MTUS1: variants seen among roughly 807,000 people sequenced by gnomAD.
The protein encoded by MTUS1 is microtubule associated scaffold protein 1.
MTUS1 carries 109 observed loss-of-function variants against 120.8 expected under a neutral mutation model. That is an observed-to-expected ratio of 0.90 (90% CI 0.77 to 1.06). MTUS1 has a LOEUF of 1.06. Among genes scored for constraint, MTUS1 ranks in the 50% least tolerant of loss-of-function variants. MTUS1 has a pLI of 0.00. For missense variants in MTUS1, 2,210 were observed against 1,486.3 expected (o/e 1.49, Z -8.01); for synonymous variants, 737 against 550.5 (o/e 1.34, Z -4.74).
At chr8:17,695,676 C>G in intron 6 of MTUS1, among the ~76,000 whole-genome samples, 1 of 151,802 alleles carries the variant, frequency 6.6e-6, no homozygotes, top group East Asian at 1.9e-4. Flanking sequence ...ATGACTTACC[C>G]AATAATGGAA....
At chr8:17,783,825 C>G (rs575069220) in intron 1 of MTUS1, among the ~76,000 whole-genome samples, 2 of 152,314 alleles carry the variant, frequency 1.3e-5, no homozygotes, top group South Asian at 2.1e-4. Flanking sequence ...TAACGGCAAT[C>G]TGAGGCTCTG....
chr8:17,665,789 G>A (rs1352821129), intron 8 of MTUS1, among the ~76,000 whole-genome samples: 1 of 152,180 alleles, frequency 6.6e-6, no homozygotes, highest in East Asian at 1.9e-4. Flanking sequence ...CAGGGTAGTA[G>A]GGCTTAATTC....
Position 17,645,947 on chromosome 8 carries a change from G to T in MTUS1, c.3792C>A (p.Ser1264Arg), listed in dbSNP as rs774703818. 6.2e-7 allele frequency: 1 copy of T among 1,612,044 alleles called. No homozygotes were observed. The highest frequency in any genetic ancestry group is 1.7e-5 in the Admixed American group (1 of 59,912). The part of the protein sequence containing the change: ...QSPRNSGSFP[S>R]PSISPR Reference sequence around the variant, plus strand: ...GGTGTCATCTGGGTGAAATGCTGGGGCTAGGGAAGGAGCCCGAATTCCTTG... The same window carrying T: ...GGTGTCATCTGGGTGAAATGCTGGGTCTAGGGAAGGAGCCCGAATTCCTTG... Residue 1264 changes from serine (S) to arginine (R), a missense_variant, in exon 15 of 15, where the codon AGC becomes AGA. Physicochemically the swap from Ser to Arg is moderately radical, Grantham distance 110. Coordinates refer to ENST00000693296, the MANE Select transcript of MTUS1 (RefSeq NM_001363059.2).
At position 17,655,847 on chromosome 8, in the gene MTUS1, C is replaced by T; in HGVS notation, c.3108+16G>A. On this transcript the variant is annotated intron_variant, in intron 9 of 14. Coordinates refer to ENST00000693296, the MANE Select transcript of MTUS1 (RefSeq NM_001363059.2). ...AGCAGAGGCCTCAGACAAGCTCTGG[C>T]TGCAAAAGCACAGACCTGCTCTTGC... 2 of 1,613,180 alleles carry T rather than the reference C, an allele frequency of 1.2e-6. No individual in the cohort carries two copies. The highest frequency in any genetic ancestry group is 1.7e-6 in the Non-Finnish European group (2 of 1,179,114).
intron 8 of MTUS1, among the ~76,000 whole-genome samples, chr8:17,656,631 CCT>C (rs1808311192): frequency 6.7e-6 from 1 of 148,872 alleles, no homozygotes; most frequent in South Asian, 2.1e-4. Flanking sequence ...GAGAAGATCC[CCT>C]CTCATGTGGT....
intron 6 of MTUS1, among the ~76,000 whole-genome samples, chr8:17,690,324 C>T (rs1338153161): frequency 1.3e-5 from 2 of 152,068 alleles, no homozygotes; most frequent in Non-Finnish European, 1.5e-5. Flanking sequence ...CAAATGAAAA[C>T]CACGATGAGA....
intron 5 of MTUS1, among the ~76,000 whole-genome samples, chr8:17,713,571 A>G (rs1331372702): frequency 6.6e-6 from 1 of 152,232 alleles, no homozygotes; most frequent in African/African-American, 2.4e-5. Flanking sequence ...CTGAATTCAC[A>G]GACTGTGCAC....
intron 2 of MTUS1, among the ~76,000 whole-genome samples, chr8:17,744,799 T>G (rs780150979): frequency 1.3e-5 from 2 of 149,976 alleles, no homozygotes; most frequent in Non-Finnish European, 3.0e-5. Context: ...CGCCTCGGCC[T>G]CCCAAAGGGC....
chr8:17,720,549 C>G (rs192155175), intron 4 of MTUS1, among the ~76,000 whole-genome samples: 4 of 152,140 alleles, frequency 2.6e-5, no homozygotes, highest in Non-Finnish European at 5.9e-5. Flanking sequence ...TACATTTCCC[C>G]TACCATCTGG....
rs373787209 is a variant in MTUS1 at position 17,754,866 on chromosome 8, G to A, written c.942C>T (p.Ser314=). 5.0e-6 allele frequency: 8 copies of A among 1,614,076 alleles called. No individual in the cohort carries two copies. The African/African-American group carries it at 9.3e-5, about 19-fold the overall frequency. Residue 314 remains serine, a synonymous_variant, in exon 2 of 15, where the codon TCC becomes TCT. Coordinates refer to ENST00000693296, the MANE Select transcript of MTUS1 (RefSeq NM_001363059.2). ...GTGGTTCGCTATTGGATTCATCATG[G>A]GATAAACAAAAGAACTCTTGTAATG... The part of the protein sequence containing the change: ...DSALQEFFCL[S]HDESNSEPHS...
Position 17,754,000 on chromosome 8 carries a change from C to T in MTUS1, c.1808G>A (p.Arg603Lys). 1 of 1,614,182 alleles carries T rather than the reference C, an allele frequency of 6.2e-7. No individual in the cohort carries two copies. The change falls in exon 2 of 15, where the codon AGA becomes AAA. Residue 603 changes from arginine (R) to lysine (K), a missense_variant. Physicochemically the swap from Arg to Lys is conservative, Grantham distance 26 (BLOSUM62 2). Coordinates refer to ENST00000693296, the MANE Select transcript of MTUS1 (RefSeq NM_001363059.2). ...ATTCGATTTCACGGCAGATGTTGTTCTTGGAACCCTGTGTGAAGCATTTTT... is the reference window on the plus strand; with the variant it reads ...ATTCGATTTCACGGCAGATGTTGTTTTTGGAACCCTGTGTGAAGCATTTTT... ...HSKNASHRVP[R>K]TTSAVKSNQE...
intron 1 of MTUS1, among the ~76,000 whole-genome samples, chr8:17,767,386 A>T (rs967174610): frequency 4.6e-5 from 7 of 150,642 alleles, no homozygotes; most frequent in Admixed American, 1.3e-4. Flanking sequence ...TTAGCAGTTT[A>T]AAAAAAAAGA....
intron 2 of MTUS1, among the ~76,000 whole-genome samples, chr8:17,745,121 A>G (rs1239006480): frequency 6.6e-6 from 1 of 152,172 alleles, no homozygotes; most frequent in African/African-American, 2.4e-5. Flanking sequence ...TTCATTAACA[A>G]AATTTTAATC....
intron 6 of MTUS1, among the ~76,000 whole-genome samples, chr8:17,698,881 T>C (rs1409944402): frequency 6.6e-6 from 1 of 152,080 alleles, no homozygotes; most frequent in Non-Finnish European, 1.5e-5. Flanking sequence ...CCACAGCAAC[T>C]GAAGCTAAAT....
intron 1 of MTUS1, among the ~76,000 whole-genome samples, chr8:17,773,719 A>C (rs1332140623): frequency 1.3e-5 from 2 of 152,146 alleles, no homozygotes; most frequent in Admixed American, 6.5e-5. Flanking sequence ...TTACCTCCCA[A>C]AGACTCCACC....
At chr8:17,683,240 C>A (rs1366935129) in intron 7 of MTUS1, among the ~76,000 whole-genome samples, 2 of 152,128 alleles carry the variant, frequency 1.3e-5, no homozygotes, top group Non-Finnish European at 2.9e-5. Context: ...CCACTGCACT[C>A]CAGCCTGGGC....
intron 5 of MTUS1, 75 bp downstream of exon 5, chr8:17,715,692 C>A: frequency 1.4e-6 from 2 of 1,440,120 alleles, no homozygotes; most frequent in Non-Finnish European, 1.9e-6. Context: ...ACCTAATTGT[C>A]AAAATTTAAC....
intron 3 of MTUS1, among the ~76,000 whole-genome samples, chr8:17,731,791 A>T (rs1468160640): frequency 6.6e-6 from 1 of 152,226 alleles, no homozygotes; most frequent in Non-Finnish European, 1.5e-5. Context: ...GAATACAAAG[A>T]GTTGATAACT....
At chr8:17,670,050 A>C (rs1811699529) in intron 8 of MTUS1, among the ~76,000 whole-genome samples, 1 of 152,190 alleles carries the variant, frequency 6.6e-6, no homozygotes, top group South Asian at 2.1e-4. Context: ...TCCAAGTGGC[A>C]TTTAGGACAC....
Sources: allele counts gnomAD v4.1 joint callset (sites outside exome capture counted in the v4.1 genomes callset), GRCh38; gene constraint gnomAD v4.1.1; transcripts MANE v1.5; gene names NCBI Gene and HGNC (gene_info 2026-07-23, HGNC 2026-07-21).